The following VWA7 variants were observed in gnomAD, a reference collection of about 807,000 sequenced individuals.
VWA7 encodes the protein von Willebrand factor A domain containing 7.
A neutral mutation model predicts 83.1 loss-of-function variants in VWA7; 66 were observed. The ratio of observed to expected loss-of-function variants is 0.79; its 90% confidence interval spans 0.65 to 0.98. The LOEUF is 0.98. VWA7 is among the 50% of genes least tolerant of loss of function. The pLI, the probability that VWA7 is intolerant of heterozygous loss-of-function variation, is 0.00. For synonymous variants in VWA7, 424 were observed against 488.5 expected (o/e 0.87, Z 1.74); for missense variants, 1,080 against 1,160.2 (o/e 0.93, Z 1.00).
At position 31,769,774 on chromosome 6, in the gene VWA7, T is replaced by G; in HGVS notation, c.1218A>C (p.Thr406=). ...AGACAAAGATATCTGAGAGTGGAGG[T>G]GTGTGCAGCAGGGCCAGCTGGCAGG... is the stretch of plus-strand genomic sequence containing the variant. The part of the protein sequence containing the change: ...LSALQLALLH[T]PPLSDIFVFT... Residue 406 remains threonine (T), a synonymous_variant, in exon 9 of 17, where the codon ACA becomes ACC. Coordinates refer to ENST00000375688, the MANE Select transcript of VWA7 (RefSeq NM_025258.3). This position sits in a 1 kb window ranked among gnomAD's most constrained non-coding sequence, Gnocchi z 4.5. 6.2e-7 allele frequency: 1 copy of G among 1,612,764 alleles called. No individual in the cohort carries two copies. The highest frequency in any genetic ancestry group is 1.1e-5 in the South Asian group (1 of 91,076).
rs1160329245 is a variant in VWA7 at position 31,769,405 on chromosome 6, A to C, written c.1318-202T>G. The stretch of plus-strand genomic sequence containing the variant: ...AGTTGGCCACCCCCTTGTAACTGTC[A>C]CAGTGGATTTTTGGCGACTAGAGCC... On this transcript the variant is annotated intron_variant, in intron 9 of 16. Transcript: ENST00000375688. The surrounding 1 kb of genome is among the most constrained non-coding windows in gnomAD (Gnocchi z 4.5). Among the ~76,000 whole-genome samples the C allele has an allele frequency of 6.6e-6, 1 of 152,178 alleles. No homozygotes were observed. Among genetic ancestry groups the C allele is most frequent in the Non-Finnish European group, 1.5e-5 (1 of 68,022 alleles).
Position 31,769,575 on chromosome 6 carries a change from G to T in VWA7, c.1317+100C>A. 9.0e-7 allele frequency: 1 copy of T among 1,104,982 alleles called. No individual in the cohort carries two copies. The highest frequency in any genetic ancestry group is 1.4e-6 in the Non-Finnish European group (1 of 736,810). The allele number at this position is 1,104,982 out of a possible 1,614,324, so 68.4% of individuals were successfully genotyped here. On this transcript the variant is annotated intron_variant, in intron 9 of 16. Transcript: ENST00000375688. This position sits in a 1 kb window ranked among gnomAD's most constrained non-coding sequence, Gnocchi z 4.5. ...CCCACCATATACCAAGGCTTGTTGG[G>T]CCACCATAGTGTGGTGCAACCCTCG...
At position 31,765,992 on chromosome 6, in the gene VWA7, GC is replaced by G. The variant is rs1562262101; in HGVS notation, c.2389del (p.Ala797ProfsTer6). ...RLWLEVPDSA[A>X]PDSVVMVTVT... Reference sequence around the variant, plus strand: ...AGTCACCATCACCACGGAATCCGGGGCCGCTGAATCTGGGACCTCCAGCCAC... The same window carrying G: ...AGTCACCATCACCACGGAATCCGGGGCGCTGAATCTGGGACCTCCAGCCAC... On this transcript the variant is annotated frameshift_variant, in exon 16 of 17. Transcript: ENST00000375688. LOFTEE classifies it high-confidence loss of function. 2 of 1,613,018 alleles carry G rather than the reference GC, an allele frequency of 1.2e-6. No individual in the cohort carries two copies. Among genetic ancestry groups the G allele is most frequent in the Non-Finnish European group, 1.7e-6 (2 of 1,180,022 alleles).
In VWA7 at chr6:31,767,312, T is replaced by C. The variant is rs958280351; in HGVS notation, c.1789+50A>G. 3.7e-6 allele frequency: 6 copies of C among 1,612,996 alleles called. No homozygotes were observed. The African/African-American group carries it at 4.0e-5, about 11-fold the overall frequency. ...AAGGAATGTGACTGATCGTGTTCTC[T>C]GAGGCCTGCAGTCTCTGCTTCCCCT... On this transcript the variant is annotated intron_variant, in intron 12 of 16. Transcript: ENST00000375688.
chr6:31,775,408 A>C lies in VWA7; in HGVS notation c.535T>G (p.Trp179Gly), dbSNP rs529144337. ...ALQDFYSHSN[W>G]VELGEQQPHP... is the part of the protein sequence containing the mutation. ...GGCTGCTGCTCGCCCAGCTCCACCC[A>C]GTTGCTATGACTGTAGAAATCCTGG... Residue 179 changes from tryptophan (W) to glycine (G), a missense_variant, in exon 4 of 17, where the codon TGG (tryptophan) becomes GGG (glycine). Transcript: ENST00000375688. This position sits in a 1 kb window ranked among gnomAD's most constrained non-coding sequence, Gnocchi z 5.9. The C allele has an allele frequency of 9.9e-6, 16 of 1,612,380 alleles. No homozygotes were observed. In the Admixed American group the frequency reaches 1.2e-4, roughly 12 times the overall value.
chr6:31,773,125 T>G lies in VWA7; in HGVS notation c.918-2A>C, dbSNP rs1812360657. 3 of 1,610,240 alleles carry G rather than the reference T, an allele frequency of 1.9e-6. No individual in the cohort carries two copies. The East Asian group carries it at 6.7e-5, about 36-fold the overall frequency. On this transcript the variant is annotated splice_acceptor_variant, in intron 6 of 16. Transcript: ENST00000375688. LOFTEE classifies it high-confidence loss of function. This position sits in a 1 kb window ranked among gnomAD's most constrained non-coding sequence, Gnocchi z 5.3. The stretch of plus-strand genomic sequence containing the variant: ...GAGGCTGGGGTGATGTCCAGCAGCC[T>G]GGGGAGCAAGCCAGAGACACAGTGA...
rs751308870 is a variant in VWA7 at position 31,769,809 on chromosome 6, G to C, written c.1201-18C>G. 6 of 1,607,272 alleles carry C rather than the reference G, an allele frequency of 3.7e-6. No individual in the cohort carries two copies. Among genetic ancestry groups the C allele is most frequent in the Non-Finnish European group, 5.1e-6 (6 of 1,174,962 alleles). On this transcript the variant is annotated intron_variant, in intron 8 of 16. Coordinates refer to ENST00000375688, the MANE Select transcript of VWA7 (RefSeq NM_025258.3). This position sits in a 1 kb window ranked among gnomAD's most constrained non-coding sequence, Gnocchi z 4.5. Reference sequence around the variant, plus strand: ...AGGGCCAGCTGGCAGGGAAGGCAACGACCAGTGTTAACAATGGCAGTAGGA... The same window carrying C: ...AGGGCCAGCTGGCAGGGAAGGCAACCACCAGTGTTAACAATGGCAGTAGGA...
rs373220022 is a variant in VWA7 at position 31,774,633 on chromosome 6, A to C, written c.611-7T>G. The stretch of plus-strand genomic sequence containing the variant: ...GAGCAGGTAGGATCGGCCACTGGGA[A>C]GAGAGGGCAGGGCTAGAACCCAAGA... On this transcript the variant is annotated splice_region_variant and splice_polypyrimidine_tract_variant and intron_variant, in intron 4 of 16. Coordinates refer to ENST00000375688, the MANE Select transcript of VWA7 (RefSeq NM_025258.3). 99 of 1,610,572 alleles carry C rather than the reference A, an allele frequency of 6.1e-5. No homozygotes were observed. The highest frequency in any genetic ancestry group is 8.1e-5 in the Non-Finnish European group (95 of 1,178,860).
rs1234761678 is a variant in VWA7 at position 31,776,572 on chromosome 6, G to A, written c.208C>T (p.Pro70Ser). Residue 70 changes from proline to serine, a missense_variant, in exon 2 of 17, where the codon CCC becomes TCC. By Grantham distance (74) the Pro-to-Ser change is moderately conservative. Transcript: ENST00000375688. The surrounding 1 kb of genome is among the most constrained non-coding windows in gnomAD (Gnocchi z 6.2). ...LFLEQPPPGR[P>S]PLRLEDFLGR... The stretch of plus-strand genomic sequence containing the variant: ...AGGAAGTCCTCAAGACGAAGAGGGG[G>A]GCGGCCTGGGGGTGGCTGCTCCAGG... 1.9e-6 allele frequency: 3 copies of A among 1,548,414 alleles called. No individual in the cohort carries two copies. The East Asian group carries it at 7.3e-5, about 38-fold the overall frequency.
rs1812023695 is a variant in VWA7 at position 31,770,039 on chromosome 6, C to T, written c.1162G>A (p.Gly388Ser). Residue 388 changes from glycine (G) to serine (S), a missense_variant, in exon 8 of 17, where the codon GGT becomes AGT. Physicochemically the swap from Gly to Ser is moderately conservative, Grantham distance 56. Coordinates refer to ENST00000375688, the MANE Select transcript of VWA7 (RefSeq NM_025258.3). ...AGGCACATCTCAGGCTCGTCTCCACCCCCCAAGGCATGGATCTCATTAAGC... is the reference window on the plus strand; with the variant it reads ...AGGCACATCTCAGGCTCGTCTCCACTCCCCAAGGCATGGATCTCATTAAGC... Reference protein sequence around the residue: ...QQLNEIHALGGGDEPEMCLSA... With the variant: ...QQLNEIHALGSGDEPEMCLSA... 1.2e-6 allele frequency: 2 copies of T among 1,612,720 alleles called. No individual in the cohort carries two copies. The highest frequency in any genetic ancestry group is 2.7e-5 in the African/African-American group (2 of 74,828).
In VWA7 at chr6:31,777,238, A is replaced by G; in HGVS notation, c.-145T>C. 1 of 429,194 alleles carries G rather than the reference A, an allele frequency of 2.3e-6. No homozygotes were observed. The highest frequency in any genetic ancestry group is 4.2e-6 in the Non-Finnish European group (1 of 237,908). 26.6% of individuals were successfully genotyped at this position (429,194 alleles called of 1,614,324 possible). A position where few individuals can be genotyped will look rare whatever the true frequency, so the allele number is the denominator to read the frequency against. ...TCAACAGGGTGGGGGAGGACAGGCA[A>G]CCCCTGGCCCTTTCGCTCCTGCCTG... On this transcript the variant is annotated 5_prime_UTR_variant, in exon 1 of 17. Transcript: ENST00000375688. This position sits in a 1 kb window ranked among gnomAD's most constrained non-coding sequence, Gnocchi z 5.8.
rs1415833227 is a variant in VWA7 at position 31,773,337 on chromosome 6, G to A, written c.822C>T (p.His274=). The A allele has an allele frequency of 5.0e-6, 8 of 1,608,542 alleles. No individual in the cohort carries two copies. The highest frequency in any genetic ancestry group is 2.2e-5 in the South Asian group (2 of 89,688). ...GTTTTGCAGCCTGGAGGTGCAGCAT[G>A]TGGTGAGGGGAGAAGCCTGGGGATG... ...DSTSPGFSPH[H]MLHLQAAKLA... Residue 274 remains histidine, a synonymous_variant, in exon 6 of 17, where the codon CAC becomes CAT. Transcript: ENST00000375688. This position sits in a 1 kb window ranked among gnomAD's most constrained non-coding sequence, Gnocchi z 5.3.
Position 31,776,791 on chromosome 6 carries a change from G to A in VWA7, c.-12C>T, listed in dbSNP as rs888394946. 7.3e-6 allele frequency: 10 copies of A among 1,373,024 alleles called. No homozygotes were observed. The African/African-American group carries it at 9.0e-5, about 12-fold the overall frequency. 85.1% of individuals were successfully genotyped at this position (1,373,024 alleles called of 1,614,324 possible). A position where few individuals can be genotyped will look rare whatever the true frequency, so the allele number is the denominator to read the frequency against. On this transcript the variant is annotated 5_prime_UTR_variant, in exon 2 of 17. Transcript: ENST00000375688. This position sits in a 1 kb window ranked among gnomAD's most constrained non-coding sequence, Gnocchi z 6.2. ...TCCGTGGGGAGCATGGCTGAGACAT[G>A]GACCTGGGAGACAGAAGGCTCTCAA...
At chr6:31,767,304 G>C (rs1002603558) in intron 12 of VWA7, 54 bp from the exon 13 acceptor site, 3 of 1,612,614 alleles carry the variant, frequency 1.9e-6, no homozygotes, top group South Asian at 1.1e-5. Flanking sequence ...GTGACTGATC[G>C]TGTTCTCTGA....
Position 31,776,814 on chromosome 6 carries a change from C to A in VWA7, c.-15-20G>T. On this transcript the variant is annotated intron_variant, in intron 1 of 16. Transcript: ENST00000375688. The surrounding 1 kb of genome is among the most constrained non-coding windows in gnomAD (Gnocchi z 6.2). Reference sequence around the variant, plus strand: ...ATGGACCTGGGAGACAGAAGGCTCTCAAGGGAGGAGGAAGCAGCCGCGATT... The same window carrying A: ...ATGGACCTGGGAGACAGAAGGCTCTAAAGGGAGGAGGAAGCAGCCGCGATT... 1 of 1,301,386 alleles carries A rather than the reference C, an allele frequency of 7.7e-7. No homozygotes were observed. The allele number at this position is 1,301,386 out of a possible 1,614,324, so 80.6% of individuals were successfully genotyped here. A position where few individuals can be genotyped will look rare whatever the true frequency, so the allele number is the denominator to read the frequency against.
rs1318979165 is a variant in VWA7, at chr6:31,766,552, A to T, written c.2095T>A (p.Ser699Thr). 1 of 1,612,828 alleles carries T rather than the reference A, an allele frequency of 6.2e-7. No individual in the cohort carries two copies. Among genetic ancestry groups the T allele is most frequent in the Admixed American group, 1.7e-5 (1 of 60,004 alleles). ...GCGTCCTGGCCAATCAGCTCCAGGG[A>T]GAAGGGTCTAGGGGTGGACAGCAGC... Reference protein sequence around the residue: ...PTLLSTPRPFSLELIGQDAAG... With the variant: ...PTLLSTPRPFTLELIGQDAAG... Residue 699 changes from serine (S) to threonine (T), a missense_variant, in exon 14 of 17, where the codon TCC becomes ACC. Coordinates refer to ENST00000375688, the MANE Select transcript of VWA7 (RefSeq NM_025258.3). This position sits in a 1 kb window ranked among gnomAD's most constrained non-coding sequence, Gnocchi z 4.9.
chr6:31,765,981 C>T lies in VWA7; in HGVS notation c.2401G>A (p.Val801Met), dbSNP rs531201783. The T allele has an allele frequency of 8.7e-6, 14 of 1,613,080 alleles. No homozygotes were observed. The Admixed American group carries it at 1.2e-4, about 13-fold the overall frequency. ...EVPDSAAPDS[V>M]VMVTVTAGGR... The stretch of plus-strand genomic sequence containing the variant: ...CCTGCAGTCACAGTCACCATCACCA[C>T]GGAATCCGGGGCCGCTGAATCTGGG... The change falls in exon 16 of 17, where the codon GTG becomes ATG. Residue 801 changes from valine to methionine, a missense_variant. Coordinates refer to ENST00000375688, the MANE Select transcript of VWA7 (RefSeq NM_025258.3).
chr6:31,775,264 G>C lies in VWA7; in HGVS notation c.610+69C>G. On this transcript the variant is annotated intron_variant, in intron 4 of 16. Transcript: ENST00000375688. This position sits in a 1 kb window ranked among gnomAD's most constrained non-coding sequence, Gnocchi z 5.9. Reference sequence around the variant, plus strand: ...CATACCCTCTGGGACTTCAGAATGTGACACAGTGGCTGGGTGGACTGAGGT... The same window carrying C: ...CATACCCTCTGGGACTTCAGAATGTCACACAGTGGCTGGGTGGACTGAGGT... 1 of 1,364,180 alleles carries C rather than the reference G, an allele frequency of 7.3e-7. No homozygotes were observed. Among genetic ancestry groups the C allele is most frequent in the Non-Finnish European group, 1.0e-6 (1 of 987,128 alleles). The allele number at this position is 1,364,180 out of a possible 1,614,324, so 84.5% of individuals were successfully genotyped here. A position where few individuals can be genotyped will look rare whatever the true frequency, so the allele number is the denominator to read the frequency against.
chr6:31,770,395 G>T (rs924377618), intron 7 of VWA7, among the ~76,000 whole-genome samples: 3 of 150,988 alleles, frequency 2.0e-5, no homozygotes, highest in African/African-American at 7.3e-5. Flanking sequence ...ATAAAAATTA[G>T]CTGGGCATGG....
Sources: gnomAD v4.1 joint callset for allele counts (sites outside exome capture counted in the v4.1 genomes callset) on GRCh38, gnomAD v4.1.1 for gene constraint, Gnocchi (gnomAD v3.1) non-coding constraint, MANE v1.5 for transcripts, NCBI Gene and HGNC (gene_info 2026-07-23, HGNC 2026-07-21) for gene names.